METTL21A: variants seen among roughly 807,000 people sequenced by gnomAD.
The protein encoded by METTL21A is methyltransferase 21A, HSPA lysine.
In METTL21A, 22 loss-of-function variants were observed where a neutral mutation model predicts 20.9. That is an observed-to-expected ratio of 1.05 (90% CI 0.75 to 1.50). METTL21A has a LOEUF of 1.50. Among genes scored for constraint, METTL21A ranks in the 40% most tolerant of loss-of-function variants. The pLI is 0.00. For missense variants in METTL21A, 271 were observed against 266.8 expected (o/e 1.02, Z -0.11); for synonymous variants, 93 against 102.0 (o/e 0.91, Z 0.53).
intron 2 of METTL21A, among the ~76,000 whole-genome samples, chr2:207,623,788 G>A (rs1428563102): frequency 3.3e-5 from 5 of 152,186 alleles, no homozygotes; most frequent in African/African-American, 9.7e-5. Context: ...AGGAAGCGGA[G>A]GCTGCATTGA....
chr2:207,605,817 G>A (rs2087996991), downstream of METTL21A, among the ~76,000 whole-genome samples: 1 of 152,214 alleles, frequency 6.6e-6, no homozygotes, highest in African/African-American at 2.4e-5. Context: ...AGGATACTGA[G>A]AAGTAAAAGT....
At chr2:207,613,243 C>T in exon 4 of METTL21A, 1 of 1,612,934 alleles carries the variant, frequency 6.2e-7, no homozygotes, top group Non-Finnish European at 8.5e-7. Context: ...TGAAGAAGAT[C>T]TGTGAATGTT....
intron 3 of METTL21A, 46 bp downstream of exon 3, chr2:207,621,760 C>T (rs1345526776): frequency 3.3e-6 from 5 of 1,508,538 alleles, no homozygotes; most frequent in Non-Finnish European, 4.6e-6. Flanking sequence ...GCAAATGCAC[C>T]TCTCAATGAG....
At chr2:207,623,495 A>T (rs894666237) in intron 2 of METTL21A, among the ~76,000 whole-genome samples, 14 of 152,212 alleles carry the variant, frequency 9.2e-5, no homozygotes, top group Admixed American at 2.0e-4. Flanking sequence ...ACTATGGAAA[A>T]CTTAAAGAAA....
chr2:207,598,886 T>C (rs1353803505), intron 3 of METTL21A: 1 of 177,626 alleles, frequency 5.6e-6, no homozygotes, highest in African/African-American at 2.4e-5. Context: ...AAATTCCTTT[T>C]AAAAAAGAGT....
intron 3 of METTL21A, among the ~76,000 whole-genome samples, chr2:207,585,956 A>G (rs958474585): frequency 1.3e-5 from 2 of 151,718 alleles, no homozygotes; most frequent in African/African-American, 4.9e-5. Context: ...CTATTTAACA[A>G]AATAATCACT....
At chr2:207,621,594 TGAGA>T (rs892852027) in intron 3 of METTL21A, among the ~76,000 whole-genome samples, 3 of 151,930 alleles carry the variant, frequency 2.0e-5, no homozygotes, top group Non-Finnish European at 2.9e-5. Flanking sequence ...TGTGTGTGTG[TGAGA>T]GAGAGAGACA....
At chr2:207,589,585 G>A (rs974670434) in intron 3 of METTL21A, among the ~76,000 whole-genome samples, 2 of 152,202 alleles carry the variant, frequency 1.3e-5, no homozygotes, top group African/African-American at 4.8e-5. Context: ...TGTAATAGCT[G>A]TAGGGTCTCT....
At chr2:207,582,124 G>GCC (rs1432542427) in exon 4 of METTL21A, 2 of 702,744 alleles carry the variant, frequency 2.8e-6, no homozygotes, top group East Asian at 5.4e-5. Flanking sequence ...TCTTTGTCCA[G>GCC]CCCATATTCA....
intron 3 of METTL21A, among the ~76,000 whole-genome samples, chr2:207,617,413 G>A (rs545874928): frequency 8.5e-4 from 129 of 152,326 alleles, no homozygotes; most frequent in African/African-American, 2.7e-3. Context: ...AGGGAAATCT[G>A]AGCTTACGCT....
At chr2:207,625,402 C>T (rs539085810), upstream of METTL21A, 68 of 152,254 alleles carry the variant, frequency 4.5e-4, no homozygotes, top group African/African-American at 1.5e-3. Flanking sequence ...TCCGGTCTCC[C>T]GGCACCCAGC....
At chr2:207,616,855 T>C (rs947276114) in intron 3 of METTL21A, among the ~76,000 whole-genome samples, 1 of 151,726 alleles carries the variant, frequency 6.6e-6, no homozygotes, top group South Asian at 2.1e-4. Context: ...AAAGAAAAAA[T>C]AGAGTGAAAT....
chr2:207,620,760 A>G (rs2090389011), intron 3 of METTL21A: 3 of 1,450,020 alleles, frequency 2.1e-6, no homozygotes, highest in Non-Finnish European at 1.8e-6. Context: ...ACCCCTGCCC[A>G]TGCTCCCTGT....
intron 3 of METTL21A, chr2:207,597,240 C>A (rs1364889790): frequency 5.3e-6 from 3 of 563,456 alleles, no homozygotes; most frequent in Non-Finnish European, 8.5e-6. Flanking sequence ...TGTTCCAACA[C>A]CTGCCTCCAC....
chr2:207,584,869 T>C (rs1292942963), intron 3 of METTL21A, among the ~76,000 whole-genome samples: 3 of 152,220 alleles, frequency 2.0e-5, no homozygotes, highest in African/African-American at 7.2e-5. Context: ...GCTTTTTCTT[T>C]AATTTTCTTA....
chr2:207,592,911 C>CAAAAAAGAAGAAAAAAAAGAA (rs1553509959), intron 3 of METTL21A, among the ~76,000 whole-genome samples: 3 of 145,200 alleles, frequency 2.1e-5, no homozygotes, highest in South Asian at 2.2e-4. Context: ...GACTCCATCT[C>CAAAAAAGAAGAAAAAAAAGAA]AAAAAAGAAA....
intron 3 of METTL21A, among the ~76,000 whole-genome samples, chr2:207,592,730 C>T (rs1469657130): frequency 6.6e-6 from 1 of 151,904 alleles, no homozygotes; most frequent in Non-Finnish European, 1.5e-5. Context: ...AACATCCTGG[C>T]CAACATGGTG....
At chr2:207,590,222 T>C (rs1239019111) in intron 3 of METTL21A, among the ~76,000 whole-genome samples, 1 of 151,906 alleles carries the variant, frequency 6.6e-6, no homozygotes, top group South Asian at 2.1e-4. Flanking sequence ...TAGAGTTGTT[T>C]GTAGTGTTAG....
rs879266938 is a variant in METTL21A at position 207,616,183 on chromosome 2, T to TA, written c.260-2741dup. ...CAACAGAGCGAGACCCTATCTCTTTTAAAAAAAAAAAAATGCAGACAGCCT... is the reference window on the plus strand; with the variant it reads ...CAACAGAGCGAGACCCTATCTCTTTTAAAAAAAAAAAAAATGCAGACAGCCT... On this transcript the variant is annotated intron_variant, in intron 3 of 3. Coordinates refer to ENST00000406927, the Ensembl canonical transcript of METTL21A. 2.4e-3 allele frequency among the ~76,000 whole-genome samples: 353 copies of TA among 146,026 alleles called. 3 individuals are homozygous for TA. The highest frequency in any genetic ancestry group is 9.1e-3 in the Admixed American group (134 of 14,716).
Sources: gnomAD v4.1 joint callset for allele counts (sites outside exome capture counted in the v4.1 genomes callset) on GRCh38, gnomAD v4.1.1 for gene constraint, MANE v1.5 for transcripts, NCBI Gene and HGNC (gene_info 2026-07-23, HGNC 2026-07-21) for gene names.